Variants in CALD1 observed in about 807,000 individuals in gnomAD.
CALD1 encodes the protein caldesmon 1.
A neutral mutation model predicts 99.9 loss-of-function variants in CALD1; 33 were observed. The observed-to-expected ratio is 0.33, with a 90% confidence interval of 0.25 to 0.44. The LOEUF (loss-of-function observed/expected upper bound fraction) is 0.44. CALD1 is among the 20% of genes least tolerant of loss of function. CALD1 has a pLI of 1.00. For synonymous variants in CALD1, 310 were observed against 325.0 expected, an observed-to-expected ratio of 0.95 and a Z score of 0.50; for missense variants, 861 against 962.1, an observed-to-expected ratio of 0.89 and a Z score of 1.39.
chr7:134,831,933 G>T (rs28651116), intron 1 of CALD1, among the ~76,000 whole-genome samples: 1 of 152,178 alleles, frequency 6.6e-6, no homozygotes, highest in African/African-American at 2.4e-5. Flanking sequence ...AGAAAGGCGC[G>T]CTTGGAAGAC....
intron 5 of CALD1, among the ~76,000 whole-genome samples, chr7:134,935,063 A>G (rs1397716011): frequency 2.0e-5 from 3 of 152,142 alleles, no homozygotes; most frequent in African/African-American, 7.2e-5. Flanking sequence ...TTAGGGTAGT[A>G]TTGATTTATA....
At chr7:134,808,629 T>C (rs1438883752) in intron 1 of CALD1, among the ~76,000 whole-genome samples, 1 of 152,206 alleles carries the variant, frequency 6.6e-6, no homozygotes, top group African/African-American at 2.4e-5. Flanking sequence ...CACACAAGGA[T>C]GGAGATGCCT....
At chr7:134,878,384 C>A (rs1305500023) in intron 3 of CALD1, among the ~76,000 whole-genome samples, 1 of 152,012 alleles carries the variant, frequency 6.6e-6, no homozygotes, top group Non-Finnish European at 1.5e-5. Context: ...GCTTGGCCAA[C>A]ATGGTGAAAC....
At chr7:134,754,753 G>T (rs17203394) in intron 1 of CALD1, among the ~76,000 whole-genome samples, 100,460 of 151,226 alleles carry the variant, frequency 0.66, 33,928 homozygotes, top group East Asian at 0.99. Context: ...ACTACTAAAC[G>T]CTAACTATGG....
Position 134,960,615 on chromosome 7 carries a change from C to T in CALD1, c.2282C>T (p.Ala761Val). The change falls in exon 13 of 15, where the codon GCT becomes GTT. Residue 761 changes from alanine to valine, a missense_variant. This residue lies in a region of CALD1 where 190 missense variants were observed against 249.0 expected (regional missense o/e 0.76). Transcript: ENST00000361675. ...TKTPDGNKSP[A>V]PKPSDLRPGD... ...ACCCCAGATGGAAACAAGTCACCTG[C>T]TCCCAAACCTTCTGTAAGTACCTTT... 6.2e-7 allele frequency: 1 copy of T among 1,606,662 alleles called. No homozygotes were observed. The highest frequency in any genetic ancestry group is 1.1e-5 in the South Asian group (1 of 90,922).
intron 8 of CALD1, among the ~76,000 whole-genome samples, chr7:134,949,754 T>C (rs1584652420): frequency 1.3e-5 from 2 of 152,284 alleles, no homozygotes; most frequent in South Asian, 2.1e-4. Flanking sequence ...CACAGGATGG[T>C]GGTGATTATG....
At chr7:134,816,658 G>T (rs752313960) in intron 1 of CALD1, among the ~76,000 whole-genome samples, 8 of 152,176 alleles carry the variant, frequency 5.3e-5, no homozygotes, top group Non-Finnish European at 1.0e-4. Context: ...GCTGGTCAGA[G>T]GATTTTAGAA....
rs750957341 is a variant in CALD1 at position 134,968,353 on chromosome 7, C to A, written c.*8C>A. The A allele has an allele frequency of 6.2e-7, 1 of 1,613,334 alleles. No individual in the cohort carries two copies. The highest frequency in any genetic ancestry group is 8.5e-7 in the Non-Finnish European group (1 of 1,179,478). On this transcript the variant is annotated 3_prime_UTR_variant, in exon 15 of 15. Coordinates refer to ENST00000361675, the MANE Select transcript of CALD1 (RefSeq NM_033138.4). ...TTCTCTTGGCAGGTTTGAGACAGTT[C>A]CAGAAAGAACCCAAGCTCAAGACGC...
chr7:134,778,169 G>GCAACCTTCC (rs1273111315), upstream of CALD1, among the ~76,000 whole-genome samples: 1 of 152,200 alleles, frequency 6.6e-6, no homozygotes, highest in Admixed American at 6.5e-5. Context: ...GGGGAGGGAA[G>GCAACCTTCC]CAACCTTCCC....
At chr7:134,810,890 T>C (rs1586000224) in intron 1 of CALD1, among the ~76,000 whole-genome samples, 1 of 152,176 alleles carries the variant, frequency 6.6e-6, no homozygotes, top group Non-Finnish European at 1.5e-5. Flanking sequence ...CAAGCACATG[T>C]CTATCAACAT....
In CALD1 at chr7:134,932,662, T is replaced by C. The variant is rs1805607626; in HGVS notation, c.219-326T>C. Among the ~76,000 whole-genome samples, 7 of 152,310 alleles carry C rather than the reference T, an allele frequency of 4.6e-5. No individual in the cohort carries two copies. The South Asian group carries it at 1.5e-3, about 32-fold the overall frequency. ...TGAGATCCAGTGTGGAATACACACC[T>C]CGGAGTTATCCCACTCAAAAAGTGA... is the stretch of plus-strand genomic sequence containing the variant. On this transcript the variant is annotated intron_variant, in intron 4 of 14. Transcript: ENST00000361675.
intron 2 of CALD1, among the ~76,000 whole-genome samples, chr7:134,849,741 A>T (rs1800000630): frequency 6.6e-6 from 1 of 152,336 alleles, no homozygotes; most frequent in African/African-American, 2.4e-5. Context: ...TGAAATGCTC[A>T]TGAGAATCAA....
chr7:134,755,241 T>A (rs1007188246), intron 1 of CALD1, among the ~76,000 whole-genome samples: 1 of 152,210 alleles, frequency 6.6e-6, no homozygotes, highest in Non-Finnish European at 1.5e-5. Flanking sequence ...CCTCAAGTGA[T>A]CTGCCTGCCT....
chr7:134,711,712 GT>G, the CALD1 span, among the ~76,000 whole-genome samples: 1 of 135,118 alleles, frequency 7.4e-6, no homozygotes, highest in Admixed American at 7.8e-5. Flanking sequence ...GTGTGTGTGT[GT>G]GTGTGTGTGT....
At chr7:134,763,126 TATCTA>T (rs1300406667) in intron 1 of CALD1, among the ~76,000 whole-genome samples, 3 of 152,234 alleles carry the variant, frequency 2.0e-5, no homozygotes, top group Non-Finnish European at 4.4e-5. Context: ...TCAGTCTATC[TATCTA>T]GAGTCACATA....
the CALD1 span, among the ~76,000 whole-genome samples, chr7:134,735,638 G>A: frequency 6.7e-6 from 1 of 149,320 alleles, no homozygotes; most frequent in Non-Finnish European, 1.5e-5. Flanking sequence ...GTTCTTAGCA[G>A]AAATAAATTT....
At chr7:134,870,506 A>G (rs1801018285) in intron 3 of CALD1, among the ~76,000 whole-genome samples, 1 of 152,154 alleles carries the variant, frequency 6.6e-6, no homozygotes, top group Admixed American at 6.5e-5. Context: ...GTGTGGAAGA[A>G]TTTCTCTTCT....
chr7:134,895,300 G>GTA (rs1376957247), intron 3 of CALD1, among the ~76,000 whole-genome samples: 5 of 19,492 alleles, frequency 2.6e-4, no homozygotes, highest in Non-Finnish European at 5.5e-4. Flanking sequence ...ATATATGTAT[G>GTA]TGTGTGTGTG....
intron 13 of CALD1, chr7:134,960,834 T>C: frequency 4.1e-6 from 2 of 489,078 alleles, no homozygotes; most frequent in South Asian, 5.3e-5. Context: ...TGGAACCAAA[T>C]AATCACCTCT....
Sources: allele counts gnomAD v4.1 joint callset (sites outside exome capture counted in the v4.1 genomes callset), GRCh38; gene constraint gnomAD v4.1.1; regional missense constraint gnomAD v4.1.1; transcripts MANE v1.5; gene names NCBI Gene and HGNC (gene_info 2026-07-23, HGNC 2026-07-21).